Variants in ZNF841 observed in about 807,000 individuals in gnomAD.
The protein encoded by ZNF841 is zinc finger protein 841, also known as TCONS_00006091.
In ZNF841, 11 loss-of-function variants were observed where a neutral mutation model predicts 13.0. That is an observed-to-expected ratio of 0.85 (90% CI 0.53 to 1.40). ZNF841 has a LOEUF of 1.40. ZNF841 is among the 40% of genes most tolerant of loss of function. The probability of loss-of-function intolerance (pLI) is 0.00; values close to 1 mark genes in which losing one functional copy is unlikely to be tolerated. For synonymous variants in ZNF841, 369 were observed against 381.6 expected (o/e 0.97, Z 0.38); for missense variants, 1,068 against 1,139.5 (o/e 0.94, Z 0.90).
At chr19:52,087,855 C>A (rs1182953553) in intron 3 of ZNF841, among the ~76,000 whole-genome samples, 1 of 151,712 alleles carries the variant, frequency 6.6e-6, no homozygotes, top group African/African-American at 2.4e-5. Context: ...GCACGGTGGT[C>A]CATGCCTGTA....
rs1261110010 is a variant in ZNF841, at chr19:52,065,252, T to C, written c.2630A>G (p.Tyr877Cys). ...HQRIHSSEKP[Y>C]KCNECGKSYI... is the part of the protein sequence containing the mutation. ...AGATTTGCCACACTCATTACATTTA[T>C]AAGGTTTTTCACTAGAATGAATTCG... The change falls in exon 7 of 7, where the codon TAT (tyrosine) becomes TGT (cysteine). Residue 877 changes from tyrosine to cysteine, a missense_variant. Transcript: ENST00000594440. 6.2e-7 allele frequency: 1 copy of C among 1,614,066 alleles called. No individual in the cohort carries two copies. Among genetic ancestry groups the C allele is most frequent in the Admixed American group, 1.7e-5 (1 of 60,016 alleles).
chr19:52,065,094 G>C lies in ZNF841; in HGVS notation c.*13C>G. 1 of 1,484,514 alleles carries C rather than the reference G, an allele frequency of 6.7e-7. No individual in the cohort carries two copies. Among genetic ancestry groups the C allele is most frequent in the East Asian group, 2.3e-5 (1 of 42,766 alleles). The allele number at this position is 1,484,514 out of a possible 1,614,324, so 92.0% of individuals were successfully genotyped here. On this transcript the variant is annotated 3_prime_UTR_variant, in exon 7 of 7. Coordinates refer to ENST00000594440, the MANE Select transcript of ZNF841 (RefSeq NM_001136499.2). ...GAAAGGACAAATATACAAGCTATAT[G>C]AGTAAGTATAAATTATTTGGGGATC...
chr19:52,084,322 A>T (rs1383314044), intron 4 of ZNF841, among the ~76,000 whole-genome samples: 1 of 152,194 alleles, frequency 6.6e-6, no homozygotes, highest in East Asian at 1.9e-4. Flanking sequence ...TGACTGATTC[A>T]TTATAGCTTC....
At chr19:52,091,129 C>T (rs982702761) in intron 2 of ZNF841, among the ~76,000 whole-genome samples, 14 of 152,136 alleles carry the variant, frequency 9.2e-5, no homozygotes, top group South Asian at 2.1e-4. Context: ...TTCCTGTGTC[C>T]GTCCCCCTTT....
intron 1 of ZNF841, among the ~76,000 whole-genome samples, chr19:52,094,951 A>T (rs117529656): frequency 4.3e-4 from 66 of 151,978 alleles, no homozygotes; most frequent in Non-Finnish European, 8.7e-4. Context: ...CTAAAGTATC[A>T]TCCATTTTGC....
intron 4 of ZNF841, among the ~76,000 whole-genome samples, chr19:52,079,988 T>A (rs1183422770): frequency 1.6e-4 from 19 of 120,608 alleles, no homozygotes; most frequent in Admixed American, 9.7e-4. Flanking sequence ...CGAAACTCCA[T>A]CTCAGGGAAA....
intron 2 of ZNF841, among the ~76,000 whole-genome samples, chr19:52,090,649 A>AGGAT (rs2088444661): frequency 7.8e-6 from 1 of 128,984 alleles, no homozygotes; most frequent in Non-Finnish European, 1.6e-5. Flanking sequence ...GAAGGAAGGA[A>AGGAT]GGAAGGAAAG....
intron 5 of ZNF841, 57 bp downstream of exon 5, chr19:52,076,901 G>C (rs1904899696): frequency 6.3e-7 from 1 of 1,594,474 alleles, no homozygotes; most frequent in Non-Finnish European, 8.6e-7. Flanking sequence ...ACACAATAAG[G>C]AAAGTACAAA....
intron 6 of ZNF841, among the ~76,000 whole-genome samples, chr19:52,068,562 G>A (rs750759859): frequency 1.3e-5 from 2 of 150,922 alleles, no homozygotes; most frequent in Non-Finnish European, 3.0e-5. Flanking sequence ...TGTAATCCCA[G>A]CTACTCCGGA....
chr19:52,079,316 A>G (rs1277236148), intron 4 of ZNF841, among the ~76,000 whole-genome samples: 1 of 152,014 alleles, frequency 6.6e-6, no homozygotes, highest in Non-Finnish European at 1.5e-5. Flanking sequence ...TAGGTGGTTT[A>G]TAAGTGTAAT....
At position 52,065,537 on chromosome 19, in the gene ZNF841, C is replaced by T. The variant is rs753518540; in HGVS notation, c.2345G>A (p.Arg782His). 2.7e-5 allele frequency: 44 copies of T among 1,612,216 alleles called. No individual in the cohort carries two copies. Among genetic ancestry groups the T allele is most frequent in the South Asian group, 1.9e-4 (17 of 90,974 alleles). Residue 782 changes from arginine to histidine, a missense_variant, in exon 7 of 7, where the codon CGT (arginine) becomes CAT (histidine). Transcript: ENST00000594440. ...CTCTCCAGTATGAATACTCCAATGA[C>T]GTGCGAGGCCTGAGCGATAACGGAA... ...KVFRYRSGLARHWSIHTGEKP... is the reference protein window; with the variant it reads ...KVFRYRSGLAHHWSIHTGEKP...
chr19:52,066,722 G>A lies in ZNF841; in HGVS notation c.1160C>T (p.Ser387Phe). Residue 387 changes from serine (S) to phenylalanine (F), a missense_variant, in exon 7 of 7, where the codon TCT becomes TTT. Coordinates refer to ENST00000594440, the MANE Select transcript of ZNF841 (RefSeq NM_001136499.2). ...RCGKCFSQSS[S>F]LATHQTVHTG... ...ATGAACTGTCTGATGAGTTGCAAGA[G>A]AGGAACTTTGACTAAAGCACTTCCC... 6.2e-7 allele frequency: 1 copy of A among 1,610,594 alleles called. No homozygotes were observed.
Position 52,066,367 on chromosome 19 carries a change from T to C in ZNF841, c.1515A>G (p.Arg505=). The part of the protein sequence containing the change: ...SQHSHLAVHQ[R]VHTGEKPYKC... The stretch of plus-strand genomic sequence containing the variant: ...TGTAAGGTTTCTCTCCAGTATGAAC[T>C]CTCTGATGCACTGCAAGATGTGAAT... Residue 505 remains arginine, a synonymous_variant, in exon 7 of 7, where the codon AGA becomes AGG. Coordinates refer to ENST00000594440, the MANE Select transcript of ZNF841 (RefSeq NM_001136499.2). 3 of 1,614,140 alleles carry C rather than the reference T, an allele frequency of 1.9e-6. No individual in the cohort carries two copies. Among genetic ancestry groups the C allele is most frequent in the Non-Finnish European group, 2.5e-6 (3 of 1,180,008 alleles).
At chr19:52,088,775 T>C (rs535119312) in intron 3 of ZNF841, among the ~76,000 whole-genome samples, 162 bp downstream of exon 3, 43 of 152,314 alleles carry the variant, frequency 2.8e-4, no homozygotes, top group African/African-American at 1.0e-3. Context: ...AAAATTGATC[T>C]CTGTGGTTCT....
rs201567770 is a variant in ZNF841, at chr19:52,088,039, CAA to C, written c.-78+896_-78+897del. On this transcript the variant is annotated intron_variant, in intron 3 of 6. Coordinates refer to ENST00000594440, the MANE Select transcript of ZNF841 (RefSeq NM_001136499.2). ...TCTTAACGTGCAGCCCAAAATACTC[CAA>C]AAAAAAAAAAAAAAACAAAGGTAGC... 1.7e-3 allele frequency among the ~76,000 whole-genome samples: 209 copies of C among 121,494 alleles called. 1 individual carries two copies. Among genetic ancestry groups the C allele is most frequent in the African/African-American group, 4.4e-3 (152 of 34,886 alleles). 79.7% of individuals were successfully genotyped at this position (121,494 alleles called of 152,430 possible). A position where few individuals can be genotyped will look rare whatever the true frequency, so the allele number is the denominator to read the frequency against.
intron 6 of ZNF841, among the ~76,000 whole-genome samples, chr19:52,067,953 T>C (rs542746833): frequency 1.3e-5 from 2 of 152,160 alleles, no homozygotes; most frequent in Non-Finnish European, 2.9e-5. Flanking sequence ...TCCCTCATAA[T>C]AGGAGAGAAA....
At position 52,095,634 on chromosome 19, in the gene ZNF841, T is replaced by A. The variant is rs1324634332; in HGVS notation, c.-329A>T. ...TCCGTAGCGATCCCCAGGTCACGGG[T>A]ATGGAGAACCGAGGACTGCGAAGTG... On this transcript the variant is annotated 5_prime_UTR_variant, in exon 1 of 7. Transcript: ENST00000594440. The A allele has an allele frequency of 1.3e-5, 2 of 152,238 alleles. No individual in the cohort carries two copies. Among genetic ancestry groups the A allele is most frequent in the Non-Finnish European group, 2.9e-5 (2 of 68,134 alleles). 9.4% of individuals were successfully genotyped at this position (152,238 alleles called of 1,614,324 possible).
At chr19:52,085,813 G>A (rs1200564877) in intron 3 of ZNF841, among the ~76,000 whole-genome samples, 2 of 152,088 alleles carry the variant, frequency 1.3e-5, no homozygotes, top group African/African-American at 4.8e-5. Context: ...GTAGAGATGA[G>A]GTATTCAAAC....
At chr19:52,094,748 C>T (rs1050219202) in intron 1 of ZNF841, among the ~76,000 whole-genome samples, 14 of 151,854 alleles carry the variant, frequency 9.2e-5, no homozygotes, top group East Asian at 3.9e-4. Context: ...CTCTGTCAGC[C>T]GCGGCTCCAA....
Sources: allele counts gnomAD v4.1 joint callset (sites outside exome capture counted in the v4.1 genomes callset), GRCh38; gene constraint gnomAD v4.1.1; transcripts MANE v1.5; gene names NCBI Gene and HGNC (gene_info 2026-07-23, HGNC 2026-07-21).